The following ERC2 variants were observed in gnomAD, a reference collection of about 807,000 sequenced individuals.
ERC2 encodes the protein ELKS/RAB6-interacting/CAST family member 2.
In ERC2, 42 loss-of-function variants were observed where a neutral mutation model predicts 114.8. The observed-to-expected ratio is 0.37, with a 90% CI of 0.29 to 0.47. The LOEUF (loss-of-function observed/expected upper bound fraction) is 0.47, where lower values mean the gene tolerates loss of function less well. Among genes scored for constraint, ERC2 ranks in the 20% least tolerant of loss-of-function variants. The probability of loss-of-function intolerance (pLI) is 0.99; values close to 1 mark genes in which losing one functional copy is unlikely to be tolerated. For missense variants in ERC2, 939 were observed against 1,150.7 expected (o/e 0.82, Z 2.66); for synonymous variants, 454 against 425.5 (o/e 1.07, Z -0.82).
At chr3:56,077,892 CA>C (rs2077048737) in intron 7 of ERC2, among the ~76,000 whole-genome samples, 1 of 152,002 alleles carries the variant, frequency 6.6e-6, no homozygotes, top group African/African-American at 2.4e-5. Flanking sequence ...AGGTAGTGGT[CA>C]AAAGTAAGTA....
chr3:55,885,219 C>G (rs1410229918), intron 14 of ERC2, among the ~76,000 whole-genome samples: 1 of 152,218 alleles, frequency 6.6e-6, no homozygotes, highest in African/African-American at 2.4e-5. Context: ...AACTCACCAA[C>G]AATGATAATA....
intron 4 of ERC2, among the ~76,000 whole-genome samples, chr3:56,158,206 G>C (rs1159881713): frequency 6.6e-6 from 1 of 152,220 alleles, no homozygotes; most frequent in Non-Finnish European, 1.5e-5. Context: ...TCATTTGTCA[G>C]ATAAGAAGAG....
At chr3:56,118,108 C>T (rs997861850) in intron 6 of ERC2, among the ~76,000 whole-genome samples, 48 of 152,200 alleles carry the variant, frequency 3.2e-4, no homozygotes, top group African/African-American at 1.1e-3. Context: ...GCTGGAGTTA[C>T]AATCCTGGTC....
At chr3:56,336,080 G>A (rs962725570) in intron 2 of ERC2, among the ~76,000 whole-genome samples, 5 of 152,164 alleles carry the variant, frequency 3.3e-5, no homozygotes, top group South Asian at 4.1e-4. Flanking sequence ...AACACCATAC[G>A]CAAAAGCCCT....
intron 3 of ERC2, among the ~76,000 whole-genome samples, chr3:56,211,609 T>A (rs759358070): frequency 1.3e-5 from 2 of 151,996 alleles, no homozygotes; most frequent in African/African-American, 4.8e-5. Flanking sequence ...ATCCTAAAAT[T>A]CATGTGGAAC....
At chr3:56,058,423 C>A (rs1208856610) in intron 7 of ERC2, among the ~76,000 whole-genome samples, 1 of 152,186 alleles carries the variant, frequency 6.6e-6, no homozygotes. Context: ...TCTGCCACCA[C>A]CCCAATCACT....
At chr3:56,157,793 A>C (rs992052215) in intron 4 of ERC2, among the ~76,000 whole-genome samples, 3 of 151,564 alleles carry the variant, frequency 2.0e-5, no homozygotes, top group African/African-American at 4.8e-5. Context: ...AGGCCACCCC[A>C]AGTCACCAAT....
At chr3:56,365,359 G>T (rs1012869124) in intron 2 of ERC2, among the ~76,000 whole-genome samples, 3 of 152,206 alleles carry the variant, frequency 2.0e-5, no homozygotes. Context: ...ATACAGGTTT[G>T]TAGCCTAGGA....
chr3:56,079,365 C>T (rs2149752854), intron 7 of ERC2, among the ~76,000 whole-genome samples: 1 of 152,234 alleles, frequency 6.6e-6, no homozygotes, highest in African/African-American at 2.4e-5. Context: ...CCACAATGGG[C>T]AGCACGGGTT....
intron 3 of ERC2, among the ~76,000 whole-genome samples, chr3:56,282,111 G>A (rs552205480): frequency 3.3e-5 from 5 of 152,326 alleles, no homozygotes; most frequent in African/African-American, 1.2e-4. Context: ...CCAAGCAGGT[G>A]AATGCAAAGA....
At chr3:56,466,199 G>T (rs141769904) in intron 1 of ERC2, among the ~76,000 whole-genome samples, 59 of 152,294 alleles carry the variant, frequency 3.9e-4, no homozygotes, top group African/African-American at 1.2e-3. Flanking sequence ...ATACTGCTTT[G>T]ACAAACCCGG....
chr3:55,587,047 A>C (rs1278026236), intron 17 of ERC2, among the ~76,000 whole-genome samples: 1 of 152,246 alleles, frequency 6.6e-6, no homozygotes, highest in Non-Finnish European at 1.5e-5. Flanking sequence ...TTCATTCACT[A>C]ATAAATGTAG....
intron 17 of ERC2, among the ~76,000 whole-genome samples, chr3:55,674,629 G>T (rs2061701182): frequency 6.6e-6 from 1 of 152,180 alleles, no homozygotes; most frequent in South Asian, 2.1e-4. Flanking sequence ...GATACAATGT[G>T]CAGCGAGGGG....
At chr3:55,939,536 T>C (rs2149420926) in intron 13 of ERC2, among the ~76,000 whole-genome samples, 1 of 152,360 alleles carries the variant, frequency 6.6e-6, no homozygotes, top group East Asian at 1.9e-4. Flanking sequence ...ATGTATTATT[T>C]TCCAGAGGCA....
chr3:56,141,713 T>C (rs1014091666), intron 5 of ERC2, among the ~76,000 whole-genome samples: 1 of 152,366 alleles, frequency 6.6e-6, no homozygotes, highest in Admixed American at 6.5e-5. Flanking sequence ...TCGCCATTTT[T>C]CAACTTTCAT....
At chr3:55,823,813 C>T (rs2060221800) in intron 14 of ERC2, among the ~76,000 whole-genome samples, 1 of 152,180 alleles carries the variant, frequency 6.6e-6, no homozygotes, top group South Asian at 2.1e-4. Context: ...GCCCCACTTC[C>T]AGTACAGCCC....
rs771438392 is a variant in ERC2 at position 55,950,549 on chromosome 3, T to C, written c.2279A>G (p.Asp760Gly). ...GAGGTTGGCCACCTTCTTATTCTGA[T>C]CTTTCATATGCCTGAGAAAAGTCAG... ...LESLTLRHMK[D>G]QNKKVANLKH... The change falls in exon 13 of 18, where the codon GAT (aspartate) becomes GGT (glycine). Residue 760 changes from aspartate (D) to glycine (G), a missense_variant. By Grantham distance (94) the Asp-to-Gly change is moderately conservative. Transcript: ENST00000288221. The C allele has an allele frequency of 1.9e-6, 3 of 1,614,038 alleles. No individual in the cohort carries two copies. The highest frequency in any genetic ancestry group is 2.5e-6 in the Non-Finnish European group (3 of 1,179,900).
chr3:55,805,957 G>C (rs904837799), intron 14 of ERC2, among the ~76,000 whole-genome samples: 9 of 152,264 alleles, frequency 5.9e-5, no homozygotes, highest in Admixed American at 5.9e-4. Context: ...AAGGCAATGA[G>C]ACACTAAAGT....
chr3:56,038,209 C>T (rs918843683), intron 7 of ERC2, among the ~76,000 whole-genome samples: 1 of 152,082 alleles, frequency 6.6e-6, no homozygotes, highest in Non-Finnish European at 1.5e-5. Context: ...TATCCACAAT[C>T]CACAAGGAAC....
Sources: allele counts gnomAD v4.1 joint callset (sites outside exome capture counted in the v4.1 genomes callset), GRCh38; gene constraint gnomAD v4.1.1; transcripts MANE v1.5; gene names NCBI Gene and HGNC (gene_info 2026-07-23, HGNC 2026-07-21).